Variants in CEP128 observed in about 807,000 individuals in gnomAD.
The protein encoded by CEP128 is centrosomal protein 128kDa.
Under a neutral mutation model 156.7 loss-of-function variants are expected in CEP128, and 132 were observed. The observed-to-expected ratio is 0.84, with a 90% CI of 0.73 to 0.97. The LOEUF is 0.97. CEP128 is among the 50% of genes least tolerant of loss of function. The probability of loss-of-function intolerance (pLI) is 0.00; values close to 1 mark genes in which losing one functional copy is unlikely to be tolerated. For synonymous variants in CEP128, 469 were observed against 448.9 expected, an observed-to-expected ratio of 1.04 and a Z score of -0.57; for missense variants, 1,252 against 1,281.9, an observed-to-expected ratio of 0.98 and a Z score of 0.36.
At chr14:80,523,235 T>C (rs970720338) in intron 23 of CEP128, among the ~76,000 whole-genome samples, 2 of 152,226 alleles carry the variant, frequency 1.3e-5, no homozygotes, top group East Asian at 1.9e-4. Flanking sequence ...AACAGTAATA[T>C]AGTCAGAATC....
At chr14:80,482,425 T>A (rs1446360763) in intron 14 of CEP128, among the ~76,000 whole-genome samples, 1 of 152,226 alleles carries the variant, frequency 6.6e-6, no homozygotes, top group Non-Finnish European at 1.5e-5. Context: ...AGTTATAATG[T>A]CATCAGTAAC....
intron 2 of CEP128, among the ~76,000 whole-genome samples, chr14:80,921,741 A>G (rs1435326159): frequency 6.6e-6 from 1 of 152,152 alleles, no homozygotes; most frequent in African/African-American, 2.4e-5. Flanking sequence ...AGGCAGGCGG[A>G]CTGCCTCAGC....
At chr14:80,620,859 C>A (rs933508824) in intron 19 of CEP128, among the ~76,000 whole-genome samples, 2 of 152,162 alleles carry the variant, frequency 1.3e-5, no homozygotes, top group Non-Finnish European at 2.9e-5. Context: ...TACTTTCGAA[C>A]ATGTAGCAAT....
Position 80,678,552 on chromosome 14 carries a change from T to G in CEP128, c.2806+64523A>C, listed in dbSNP as rs528001837. ...GAAGGAAAATGGGAATCCGCTGGAA[T>G]CCTAAAGGATACCCCAGATCCAGGG... On this transcript the variant is annotated intron_variant, in intron 19 of 24. Transcript: ENST00000555265. Among the ~76,000 whole-genome samples, 9 of 152,208 alleles carry G rather than the reference T, an allele frequency of 5.9e-5. 1 individual carries two copies. In the South Asian group the frequency reaches 1.9e-3, roughly 32 times the overall value.
chr14:80,583,161 C>T (rs191808013), intron 19 of CEP128, among the ~76,000 whole-genome samples: 42 of 152,252 alleles, frequency 2.8e-4, no homozygotes, highest in African/African-American at 9.9e-4. Context: ...CAAATACATA[C>T]GGGTCATACT....
At chr14:80,694,410 A>G (rs904664770) in intron 19 of CEP128, among the ~76,000 whole-genome samples, 6 of 152,220 alleles carry the variant, frequency 3.9e-5, no homozygotes, top group Non-Finnish European at 8.8e-5. Flanking sequence ...GTATATACCC[A>G]AAGGATTATA....
chr14:80,771,763 C>T (rs543830143), intron 16 of CEP128, among the ~76,000 whole-genome samples: 1 of 152,278 alleles, frequency 6.6e-6, no homozygotes, highest in Non-Finnish European at 1.5e-5. Flanking sequence ...CTAAGCATAG[C>T]TATTGAAACA....
chr14:80,955,781 A>T (rs1418754419), intron 2 of CEP128: 1 of 1,614,186 alleles, frequency 6.2e-7, no homozygotes, highest in Admixed American at 1.7e-5. Flanking sequence ...TGCCATCAGG[A>T]GGAGGACTTC....
intron 19 of CEP128, among the ~76,000 whole-genome samples, chr14:80,668,603 G>A (rs1213542726): frequency 2.6e-5 from 4 of 152,104 alleles, no homozygotes; most frequent in African/African-American, 4.8e-5. Flanking sequence ...GAGTCCCTGA[G>A]GAAGAGAATA....
intron 19 of CEP128, among the ~76,000 whole-genome samples, chr14:80,673,645 CAAAA>C (rs4016509): frequency 1.6e-4 from 7 of 43,962 alleles, no homozygotes; most frequent in African/African-American, 4.9e-4. Flanking sequence ...GACTCCGTCT[CAAAA>C]AAAAAAAAAA....
Position 80,807,972 on chromosome 14 carries a change from AAAG to A in CEP128, c.1210-14865_1210-14863del, listed in dbSNP as rs1474073222. The stretch of plus-strand genomic sequence containing the variant: ...AGCACACAGGAAGTATGTCCCAGGG[AAAG>A]AAGGATAGAGCACATCAAAAAAGCA... On this transcript the variant is annotated intron_variant, in intron 13 of 24. Transcript: ENST00000555265. Among the ~76,000 whole-genome samples the A allele has an allele frequency of 3.3e-5, 5 of 152,178 alleles. No individual in the cohort carries two copies. The East Asian group carries it at 9.6e-4, about 29-fold the overall frequency.
At chr14:80,716,402 C>T (rs1044017664) in intron 19 of CEP128, among the ~76,000 whole-genome samples, 10 of 152,160 alleles carry the variant, frequency 6.6e-5, no homozygotes, top group African/African-American at 2.4e-4. Flanking sequence ...TTTCATCTAC[C>T]AGCCAGAATC....
At chr14:80,684,840 T>TA (rs1896465579) in intron 19 of CEP128, among the ~76,000 whole-genome samples, 2 of 151,606 alleles carry the variant, frequency 1.3e-5, no homozygotes, top group South Asian at 2.1e-4. Flanking sequence ...AACAAAATTT[T>TA]AAAAAAATAC....
intron 2 of CEP128, among the ~76,000 whole-genome samples, chr14:80,939,061 A>T (rs2139625739): frequency 6.6e-6 from 1 of 152,312 alleles, no homozygotes; most frequent in East Asian, 1.9e-4. Context: ...TGTAAAAGAT[A>T]AGCATGGTAA....
intron 9 of CEP128, among the ~76,000 whole-genome samples, chr14:80,843,944 G>T (rs1438658879): frequency 6.6e-6 from 1 of 151,802 alleles, no homozygotes; most frequent in Non-Finnish European, 1.5e-5. Flanking sequence ...TTTTTAAAAG[G>T]ACTCTATGCA....
chr14:80,585,040 C>A (rs1419691765), intron 19 of CEP128, among the ~76,000 whole-genome samples: 1 of 152,208 alleles, frequency 6.6e-6, no homozygotes, highest in East Asian at 1.9e-4. Context: ...AATGAAAGAT[C>A]TTTGGTAAAA....
At chr14:80,602,965 T>G (rs1357917329) in intron 19 of CEP128, among the ~76,000 whole-genome samples, 2 of 152,132 alleles carry the variant, frequency 1.3e-5, no homozygotes, top group Admixed American at 1.3e-4. Flanking sequence ...TAGAACATAC[T>G]TTGAGAAAAA....
At chr14:80,742,790 G>A (rs2139595867) in intron 19 of CEP128, 1 of 343,202 alleles carries the variant, frequency 2.9e-6, no homozygotes, top group Non-Finnish European at 5.3e-6. Flanking sequence ...TGAAGTAAAT[G>A]TAAACATCAG....
At chr14:80,723,258 A>G (rs1013683936) in intron 19 of CEP128, among the ~76,000 whole-genome samples, 4 of 152,206 alleles carry the variant, frequency 2.6e-5, no homozygotes, top group African/African-American at 9.7e-5. Flanking sequence ...ACCAATAGAC[A>G]TTAAGGTAAT....
Sources: allele counts gnomAD v4.1 joint callset (sites outside exome capture counted in the v4.1 genomes callset), GRCh38; gene constraint gnomAD v4.1.1; transcripts MANE v1.5; gene names NCBI Gene and HGNC (gene_info 2026-07-23, HGNC 2026-07-21).